Variants in MDGA2 observed in about 807,000 individuals in gnomAD.
MDGA2 encodes the protein MAM domain-containing glycosylphosphatidylinositol anchor protein 2.
Under a neutral mutation model 117.8 loss-of-function variants are expected in MDGA2, and 40 were observed. The ratio of observed to expected loss-of-function variants is 0.34; its 90% CI spans 0.26 to 0.44. The LOEUF is 0.44. Among genes scored for constraint, MDGA2 ranks in the 20% least tolerant of loss-of-function variants. The pLI, the probability that MDGA2 is intolerant of heterozygous loss-of-function variation, is 1.00. For synonymous variants in MDGA2, 452 were observed against 439.0 expected, an observed-to-expected ratio of 1.03 and a Z score of -0.37; for missense variants, 1,123 against 1,250.6, an observed-to-expected ratio of 0.90 and a Z score of 1.54.
intron 10 of MDGA2, among the ~76,000 whole-genome samples, chr14:46,888,712 CTTT>C (rs929611180): frequency 7.0e-5 from 10 of 143,748 alleles, no homozygotes; most frequent in Non-Finnish European, 1.5e-4. Context: ...ATGTTTTCCT[CTTT>C]TTTTTTTTTC....
intron 6 of MDGA2, among the ~76,000 whole-genome samples, chr14:47,089,499 C>G (rs963397195): frequency 6.6e-6 from 1 of 152,126 alleles, no homozygotes; most frequent in African/African-American, 2.4e-5. Context: ...CCTCAGCCCC[C>G]TGAGTAGTTG....
intron 2 of MDGA2, among the ~76,000 whole-genome samples, chr14:47,222,997 A>G (rs1481057694): frequency 6.6e-6 from 1 of 152,206 alleles, no homozygotes; most frequent in Non-Finnish European, 1.5e-5. Context: ...ACTGTTCCAA[A>G]TGGCTGGCAA....
chr14:47,493,027 A>T (rs1028981336), intron 1 of MDGA2, among the ~76,000 whole-genome samples: 9 of 151,980 alleles, frequency 5.9e-5, no homozygotes, highest in African/African-American at 2.2e-4. Flanking sequence ...AAGAAAATTT[A>T]AAAAATCATT....
At chr14:47,586,070 G>A (rs530797412) in intron 1 of MDGA2, among the ~76,000 whole-genome samples, 5 of 151,872 alleles carry the variant, frequency 3.3e-5, no homozygotes, top group Admixed American at 2.6e-4. Context: ...GAGGTATATT[G>A]GACAGATGTA....
At chr14:47,158,363 GGTGTGTGTGTGTGTGT>G (rs34198544) in intron 3 of MDGA2, among the ~76,000 whole-genome samples, 3 of 146,682 alleles carry the variant, frequency 2.0e-5, no homozygotes, top group Non-Finnish European at 4.5e-5. Context: ...CCCTGGGGTG[GGTGTGTGTGTGTGTGT>G]GTGTGTGTGT....
intron 1 of MDGA2, among the ~76,000 whole-genome samples, chr14:47,450,816 G>A (rs990775843): frequency 1.3e-5 from 2 of 152,114 alleles, no homozygotes; most frequent in Non-Finnish European, 1.5e-5. Context: ...ATTGTGATTG[G>A]AATTTATAAT....
chr14:47,462,541 C>G (rs933761835), intron 1 of MDGA2, among the ~76,000 whole-genome samples: 6 of 152,106 alleles, frequency 3.9e-5, no homozygotes, highest in African/African-American at 1.4e-4. Flanking sequence ...TAACAATTGC[C>G]TTAGGTATTT....
chr14:47,096,167 G>A (rs543948306), intron 6 of MDGA2, among the ~76,000 whole-genome samples: 72 of 152,068 alleles, frequency 4.7e-4, no homozygotes, highest in African/African-American at 1.7e-3. Context: ...CCTCAAATAA[G>A]CATTGCGTCT....
At chr14:47,261,819 G>C (rs1887805940) in intron 2 of MDGA2, among the ~76,000 whole-genome samples, 1 of 152,244 alleles carries the variant, frequency 6.6e-6, no homozygotes, top group Non-Finnish European at 1.5e-5. Flanking sequence ...AGATAAATGA[G>C]TGTAAACTAA....
At chr14:46,966,112 G>A (rs1427710705) in intron 8 of MDGA2, among the ~76,000 whole-genome samples, 1 of 151,914 alleles carries the variant, frequency 6.6e-6, no homozygotes. Flanking sequence ...TATATTTCTT[G>A]ACACTGAATA....
intron 1 of MDGA2, among the ~76,000 whole-genome samples, chr14:47,453,622 G>A (rs1043450883): frequency 6.6e-6 from 1 of 152,024 alleles, no homozygotes; most frequent in Non-Finnish European, 1.5e-5. Flanking sequence ...TCATCTATGA[G>A]CCAAATTGAA....
chr14:47,148,846 TACTC>T (rs570838055), intron 3 of MDGA2, among the ~76,000 whole-genome samples: 48 of 152,292 alleles, frequency 3.2e-4, no homozygotes, highest in South Asian at 2.7e-3. Context: ...TGCAGACTCT[TACTC>T]ACCCATTTTT....
intron 3 of MDGA2, among the ~76,000 whole-genome samples, chr14:47,159,742 T>A (rs1335632170): frequency 6.6e-6 from 1 of 152,220 alleles, no homozygotes; most frequent in Non-Finnish European, 1.5e-5. Flanking sequence ...GATGATTTTC[T>A]AGATTTTTGC....
intron 3 of MDGA2, among the ~76,000 whole-genome samples, chr14:47,166,774 G>C (rs183202790): frequency 1.0e-3 from 157 of 152,200 alleles, no homozygotes; most frequent in Non-Finnish European, 4.9e-4. Context: ...TTCACCTGAC[G>C]TAAGAGCATA....
chr14:46,989,560 G>A (rs1887003953), intron 8 of MDGA2, among the ~76,000 whole-genome samples: 1 of 151,886 alleles, frequency 6.6e-6, no homozygotes, highest in Non-Finnish European at 1.5e-5. Context: ...ATCTTCTGTT[G>A]GCAATAGCTA....
At chr14:47,511,651 G>A (rs1894643444) in intron 1 of MDGA2, among the ~76,000 whole-genome samples, 1 of 152,062 alleles carries the variant, frequency 6.6e-6, no homozygotes, top group South Asian at 2.1e-4. Flanking sequence ...ATATTTTCCT[G>A]AGTATAAAAA....
intron 3 of MDGA2, among the ~76,000 whole-genome samples, chr14:47,170,067 C>A (rs930642003): frequency 1.3e-5 from 2 of 152,096 alleles, no homozygotes; most frequent in African/African-American, 4.8e-5. Context: ...CTGTCAATCA[C>A]CAGAATAACT....
chr14:47,287,349 G>A (rs1216881964), intron 2 of MDGA2, among the ~76,000 whole-genome samples: 8 of 151,972 alleles, frequency 5.3e-5, no homozygotes, highest in African/African-American at 1.5e-4. Context: ...AAGCACTGTC[G>A]CTTCCTTCAA....
chr14:47,535,797 C>A (rs1895198615), intron 1 of MDGA2, among the ~76,000 whole-genome samples: 1 of 152,162 alleles, frequency 6.6e-6, no homozygotes, highest in Admixed American at 6.5e-5. Context: ...CTGAATCAAT[C>A]AAAATTTTAG....
Sources: allele counts gnomAD v4.1 joint callset (sites outside exome capture counted in the v4.1 genomes callset), GRCh38; gene constraint gnomAD v4.1.1; transcripts MANE v1.5; gene names NCBI Gene and HGNC (gene_info 2026-07-23, HGNC 2026-07-21).